The following GAB4 variants were observed in gnomAD, a reference collection of about 807,000 sequenced individuals.
GAB4 encodes GRB2 associated binding protein family member 4.
Under a neutral mutation model 51.3 loss-of-function variants are expected in GAB4, and 26 were observed. The ratio of observed to expected loss-of-function variants is 0.51; its 90% CI spans 0.37 to 0.70. The LOEUF is 0.70. Among genes scored for constraint, GAB4 ranks in the 30% least tolerant of loss-of-function variants. The probability of loss-of-function intolerance (pLI) is 0.00; values close to 1 mark genes in which losing one functional copy is unlikely to be tolerated. For missense variants in GAB4, 759 were observed against 734.6 expected (o/e 1.03, Z -0.38); for synonymous variants, 329 against 291.2 (o/e 1.13, Z -1.32).
At chr22:16,981,076 C>T (rs974260606) in intron 3 of GAB4, among the ~76,000 whole-genome samples, 1 of 151,976 alleles carries the variant, frequency 6.6e-6, no homozygotes, top group African/African-American at 2.4e-5. Context: ...TTGATGGGTG[C>T]AGCAAACCAC....
At chr22:16,988,685 G>A (rs893639725) in intron 2 of GAB4, among the ~76,000 whole-genome samples, 7 of 152,152 alleles carry the variant, frequency 4.6e-5, no homozygotes, top group African/African-American at 1.4e-4. Context: ...GTAGTACTTT[G>A]CTGCACCCCA....
At chr22:16,965,977 T>C in intron 6 of GAB4, 123 bp downstream of exon 6, 4 of 878,164 alleles carry the variant, frequency 4.6e-6, no homozygotes, top group Non-Finnish European at 7.4e-6. Context: ...AGGAGAAAAC[T>C]GAGGCTCAGA....
chr22:16,981,670 C>T (rs1037521217), intron 3 of GAB4, among the ~76,000 whole-genome samples: 6 of 152,116 alleles, frequency 3.9e-5, no homozygotes, highest in East Asian at 3.8e-4. Flanking sequence ...ATGGCTTCCC[C>T]GCTGATTTCT....
chr22:16,965,119 C>T, intron 7 of GAB4, 59 bp downstream of exon 7: 1 of 1,259,934 alleles, frequency 7.9e-7, no homozygotes, highest in Admixed American at 2.0e-5. Flanking sequence ...CAATGACCAT[C>T]CCACTCACTC....
At chr22:16,992,367 C>A (rs1342662423) in intron 1 of GAB4, among the ~76,000 whole-genome samples, 191 bp from the exon 2 acceptor site, 2 of 152,210 alleles carry the variant, frequency 1.3e-5, no homozygotes, top group Non-Finnish European at 2.9e-5. Flanking sequence ...ACTATGTCAA[C>A]AGAGTCTCAT....
At chr22:16,991,308 C>T (rs1601280636) in intron 2 of GAB4, among the ~76,000 whole-genome samples, 1 of 148,258 alleles carries the variant, frequency 6.7e-6, no homozygotes, top group Non-Finnish European at 1.5e-5. Flanking sequence ...ATATATCTGC[C>T]TCAGGAAAAA....
At chr22:16,981,094 C>T (rs953710436) in intron 3 of GAB4, among the ~76,000 whole-genome samples, 4 of 151,788 alleles carry the variant, frequency 2.6e-5, no homozygotes, top group South Asian at 2.1e-4. Context: ...CACTATGGTG[C>T]GTGTATACCT....
Position 16,966,244 on chromosome 22 carries a change from C to T in GAB4, c.1144G>A (p.Val382Ile), listed in dbSNP as rs777440566. Residue 382 changes from valine (V) to isoleucine (I), a missense_variant, in exon 6 of 10, where the codon GTC becomes ATC. By Grantham distance (29) the Val-to-Ile change is conservative. Transcript: ENST00000400588. ...VKQAGDDSQG[V>I]CIPVGSCLVR... ...AGACATGAGCCCACAGGGATGCAGA[C>T]ACCCTGGGAATCATCGCCTGCTTGC... The T allele has an allele frequency of 1.2e-6, 2 of 1,614,064 alleles. No individual in the cohort carries two copies. The highest frequency in any genetic ancestry group is 1.6e-4 in the Middle Eastern group (1 of 6,062).
At chr22:17,007,097 T>C (rs2061046349) in intron 1 of GAB4, among the ~76,000 whole-genome samples, 1 of 152,164 alleles carries the variant, frequency 6.6e-6, no homozygotes, top group South Asian at 2.1e-4. Context: ...AAGATGACTA[T>C]AGGATCAGCT....
intron 3 of GAB4, among the ~76,000 whole-genome samples, chr22:16,974,784 T>C (rs2060762960): frequency 6.6e-6 from 1 of 151,640 alleles, no homozygotes; most frequent in Non-Finnish European, 1.5e-5. Context: ...AGAAGGTGGG[T>C]GATTTCCGCA....
chr22:16,963,215 C>G (rs1379618358), intron 9 of GAB4, among the ~76,000 whole-genome samples: 3 of 152,152 alleles, frequency 2.0e-5, no homozygotes, highest in Non-Finnish European at 4.4e-5. Context: ...TAGGCCTTTC[C>G]AGGGGTGCCC....
At chr22:16,975,290 C>A (rs1252883926) in intron 3 of GAB4, among the ~76,000 whole-genome samples, 1 of 152,202 alleles carries the variant, frequency 6.6e-6, no homozygotes, top group Non-Finnish European at 1.5e-5. Context: ...GCACAACAGT[C>A]TGAAGTCAAC....
At chr22:16,966,446 A>G in intron 5 of GAB4, 82 bp from the exon 6 acceptor site, 1 of 1,422,616 alleles carries the variant, frequency 7.0e-7, no homozygotes, top group Non-Finnish European at 9.5e-7. Flanking sequence ...AAGGCCAAAA[A>G]GAGTCATGAC....
In GAB4 at chr22:17,005,652, T is replaced by C. The variant is rs1036362843; in HGVS notation, c.174+2289A>G. Among the ~76,000 whole-genome samples, 4 of 152,188 alleles carry C rather than the reference T, an allele frequency of 2.6e-5. No individual in the cohort carries two copies. In the East Asian group the frequency reaches 5.8e-4, roughly 22 times the overall value. ...CATGTTACTGGTACCAAGACAGATA[T>C]ATAGACCAATGGAGCAGAACAGAGG... is the stretch of plus-strand genomic sequence containing the variant. On this transcript the variant is annotated intron_variant, in intron 1 of 9. Transcript: ENST00000400588.
intron 3 of GAB4, among the ~76,000 whole-genome samples, chr22:16,977,606 G>A (rs1002198245): frequency 1.3e-5 from 2 of 152,124 alleles, no homozygotes; most frequent in Non-Finnish European, 2.9e-5. Context: ...GTCAATATTA[G>A]ACTGATCAAT....
At chr22:16,965,137 G>A (rs763277468) in intron 7 of GAB4, 41 bp downstream of exon 7, 61 of 1,482,152 alleles carry the variant, frequency 4.1e-5, no homozygotes, top group East Asian at 9.1e-5. Context: ...CTCCTCCACC[G>A]GCCCGGTCCC....
chr22:16,962,951 G>T, intron 9 of GAB4, 75 bp from the exon 10 acceptor site: 1 of 1,441,904 alleles, frequency 6.9e-7, no homozygotes, highest in Non-Finnish European at 9.5e-7. Context: ...CCAAGGAGTG[G>T]GCTCTCTCAA....
intron 5 of GAB4, chr22:16,966,638 GT>G (rs1331877336): frequency 2.2e-6 from 1 of 446,608 alleles, no homozygotes; most frequent in Non-Finnish European, 4.0e-6. Flanking sequence ...AAGTGGAAGA[GT>G]TTTCAGTTCT....
chr22:17,008,183 G>T lies in GAB4; in HGVS notation c.-69C>A. 1 of 1,155,166 alleles carries T rather than the reference G, an allele frequency of 8.7e-7. No individual in the cohort carries two copies. Among genetic ancestry groups the T allele is most frequent in the Non-Finnish European group, 1.2e-6 (1 of 800,982 alleles). 71.6% of individuals were successfully genotyped at this position (1,155,166 alleles called of 1,614,324 possible). A position where few individuals can be genotyped will look rare whatever the true frequency, so the allele number is the denominator to read the frequency against. Reference sequence around the variant, plus strand: ...GGGCGTTGCTGGAGGTGGGGTGTGAGGGACGGCTTGCGATACCCTGGGACT... The same window carrying T: ...GGGCGTTGCTGGAGGTGGGGTGTGATGGACGGCTTGCGATACCCTGGGACT... On this transcript the variant is annotated 5_prime_UTR_variant, in exon 1 of 10. Coordinates refer to ENST00000400588, the MANE Select transcript of GAB4 (RefSeq NM_001037814.1).
Sources: gnomAD v4.1 joint callset for allele counts (sites outside exome capture counted in the v4.1 genomes callset) on GRCh38, gnomAD v4.1.1 for gene constraint, MANE v1.5 for transcripts, NCBI Gene and HGNC (gene_info 2026-07-23, HGNC 2026-07-21) for gene names.